Variants in PALM2AKAP2 observed in about 807,000 individuals in gnomAD.
PALM2AKAP2 encodes PALM2-AKAP2 fusion protein.
In PALM2AKAP2, 37 loss-of-function variants were observed where a neutral mutation model predicts 71.5. The observed-to-expected ratio is 0.52, with a 90% CI of 0.40 to 0.68. PALM2AKAP2 has a LOEUF of 0.68. PALM2AKAP2 is among the 30% of genes least tolerant of loss of function. The probability of loss-of-function intolerance (pLI) is 0.00; values close to 1 mark genes in which losing one functional copy is unlikely to be tolerated. For synonymous variants in PALM2AKAP2, 468 were observed against 478.8 expected (o/e 0.98, Z 0.29); for missense variants, 1,224 against 1,191.8 (o/e 1.03, Z -0.40).
intron 2 of PALM2AKAP2, among the ~76,000 whole-genome samples, chr9:109,876,893 T>G (rs1829734421): frequency 7.6e-6 from 1 of 131,404 alleles, no homozygotes; most frequent in Non-Finnish European, 1.6e-5. Flanking sequence ...GACATGCACC[T>G]CTGGGTGACC....
chr9:110,028,444 G>GAGCTGAGTA (rs1833219742), intron 7 of PALM2AKAP2, among the ~76,000 whole-genome samples: 1 of 152,170 alleles, frequency 6.6e-6, no homozygotes, highest in Non-Finnish European at 1.5e-5. Flanking sequence ...GCTGAGTACT[G>GAGCTGAGTA]TGCTACACAT....
intron 1 of PALM2AKAP2, among the ~76,000 whole-genome samples, chr9:110,107,002 G>A (rs900821828): frequency 7.2e-5 from 11 of 152,150 alleles, no homozygotes; most frequent in Admixed American, 4.6e-4. Context: ...GGAAGGTTAA[G>A]CTGAAAACAG....
chr9:109,837,677 G>T (rs575679660), intron 1 of PALM2AKAP2, among the ~76,000 whole-genome samples: 38 of 152,226 alleles, frequency 2.5e-4, no homozygotes, highest in Non-Finnish European at 4.1e-4. Context: ...TAAAGGGATG[G>T]GGGAAGATCT....
chr9:110,095,051 G>A (rs566786053), intron 1 of PALM2AKAP2, among the ~76,000 whole-genome samples: 1 of 152,252 alleles, frequency 6.6e-6, no homozygotes, highest in African/African-American at 2.4e-5. Context: ...TAGTACTCTG[G>A]ATTGGTAACG....
intron 1 of PALM2AKAP2, among the ~76,000 whole-genome samples, chr9:109,768,035 A>AGGAGGGAGC (rs1564140546): frequency 4.7e-4 from 48 of 102,980 alleles, no homozygotes; most frequent in African/African-American, 1.8e-3. Context: ...GAAGGAAAGA[A>AGGAGGGAGC]AAAGAGGGAA....
intron 1 of PALM2AKAP2, among the ~76,000 whole-genome samples, chr9:109,821,785 C>G (rs1343290858): frequency 6.6e-6 from 1 of 152,178 alleles, no homozygotes; most frequent in Non-Finnish European, 1.5e-5. Flanking sequence ...CTCATCTCCC[C>G]CCTGGACGTG....
chr9:109,717,051 G>A (rs1253970641), intron 1 of PALM2AKAP2, among the ~76,000 whole-genome samples: 2 of 152,122 alleles, frequency 1.3e-5, no homozygotes, highest in East Asian at 1.9e-4. Flanking sequence ...ATCCAATGTG[G>A]CAGGCTGGTT....
intron 7 of PALM2AKAP2, among the ~76,000 whole-genome samples, chr9:110,027,978 C>T (rs955969921): frequency 1.3e-5 from 2 of 152,108 alleles, no homozygotes; most frequent in African/African-American, 4.8e-5. Context: ...ACATAAAGAT[C>T]GCTCTAAATT....
upstream of PALM2AKAP2, among the ~76,000 whole-genome samples, chr9:110,043,714 G>GGGT (rs1833544514): frequency 1.0e-5 from 1 of 98,410 alleles, no homozygotes; most frequent in African/African-American, 4.4e-5. Flanking sequence ...GTTTTTTTTG[G>GGGT]TGTTTTTTTT....
intron 1 of PALM2AKAP2, among the ~76,000 whole-genome samples, chr9:109,692,103 T>C (rs1055475902): frequency 5.3e-5 from 8 of 151,026 alleles, no homozygotes; most frequent in African/African-American, 1.7e-4. Flanking sequence ...AATTGAGATA[T>C]AATTCACACA....
Position 109,791,754 on chromosome 9 carries a change from G to A in PALM2AKAP2, c.45+11221G>A, listed in dbSNP as rs571964491. ...GCAGACTCCTGAGGGGACAGAGAGT[G>A]CTCAACTCCAACTGATGGGCACTGT... On this transcript the variant is annotated intron_variant, in intron 1 of 9. Coordinates refer to the PALM2AKAP2 transcript ENST00000302798. 3.3e-5 allele frequency among the ~76,000 whole-genome samples: 5 copies of A among 152,314 alleles called. No individual in the cohort carries two copies. In the East Asian group the frequency reaches 7.7e-4, roughly 23 times the overall value.
rs139240407 is a variant in PALM2AKAP2 at position 109,891,815 on chromosome 9, G to A, written c.257+11134G>A. Among the ~76,000 whole-genome samples, 126 of 152,230 alleles carry A rather than the reference G, an allele frequency of 8.3e-4. 2 individuals are homozygous for A. In the East Asian group the frequency reaches 0.022, roughly 27 times the overall value. On this transcript the variant is annotated intron_variant, in intron 3 of 9. Transcript: ENST00000302798. ...CATCACCCATCAATTTTTAAATGGT[G>A]GAGTAGCTCCCATGATGGATGTTAT...
chr9:109,795,741 C>T (rs1245262139), intron 1 of PALM2AKAP2, among the ~76,000 whole-genome samples: 1 of 152,210 alleles, frequency 6.6e-6, no homozygotes, highest in Non-Finnish European at 1.5e-5. Context: ...ATAGTCAGGC[C>T]TTAGGCTGGT....
At chr9:110,156,857 A>G (rs916873080) in intron 3 of PALM2AKAP2, among the ~76,000 whole-genome samples, 5 of 152,164 alleles carry the variant, frequency 3.3e-5, no homozygotes, top group African/African-American at 9.7e-5. Context: ...GCTGATTTCT[A>G]CCATTGCCCA....
At chr9:109,725,016 T>A (rs2118643557) in intron 1 of PALM2AKAP2, among the ~76,000 whole-genome samples, 1 of 152,256 alleles carries the variant, frequency 6.6e-6, no homozygotes, top group Non-Finnish European at 1.5e-5. Flanking sequence ...TAAACAATCA[T>A]TATGAACAAG....
intron 6 of PALM2AKAP2, among the ~76,000 whole-genome samples, chr9:109,950,401 A>C (rs1181396237): frequency 6.6e-6 from 1 of 152,198 alleles, no homozygotes; most frequent in Non-Finnish European, 1.5e-5. Context: ...TTATCCATAA[A>C]GGAGATTCTG....
chr9:109,691,893 T>TACAC (rs1564114956), intron 1 of PALM2AKAP2, among the ~76,000 whole-genome samples: 2 of 73,152 alleles, frequency 2.7e-5, no homozygotes, highest in Non-Finnish European at 5.1e-5. Context: ...TATATATATA[T>TACAC]ATATATATAC....
intron 1 of PALM2AKAP2, among the ~76,000 whole-genome samples, chr9:109,811,554 G>T (rs1226416790): frequency 6.6e-6 from 1 of 151,988 alleles, no homozygotes; most frequent in Non-Finnish European, 1.5e-5. Context: ...CTGCTGTGTT[G>T]CTGTTTTTAT....
intron 3 of PALM2AKAP2, among the ~76,000 whole-genome samples, chr9:109,917,902 G>T (rs904599804): frequency 6.6e-6 from 1 of 152,076 alleles, no homozygotes; most frequent in African/African-American, 2.4e-5. Flanking sequence ...TGGAAGCTAG[G>T]ATACATAATT....
Sources: allele counts gnomAD v4.1 joint callset (sites outside exome capture counted in the v4.1 genomes callset), GRCh38; gene constraint gnomAD v4.1.1; transcripts MANE v1.5; gene names NCBI Gene and HGNC (gene_info 2026-07-23, HGNC 2026-07-21).